The following LDB2 variants were observed in gnomAD, a reference collection of about 807,000 sequenced individuals.
The protein encoded by LDB2 is LIM domain binding 2.
A neutral mutation model predicts 44.3 loss-of-function variants in LDB2; 12 were observed. That is an observed-to-expected ratio of 0.27 (90% CI 0.17 to 0.44). The LOEUF (loss-of-function observed/expected upper bound fraction) is 0.44, where lower values mean the gene tolerates loss of function less well. Ranked by LOEUF, LDB2 falls within the 20% of genes least tolerant of loss-of-function variation. The pLI is 1.00. For synonymous variants in LDB2, 164 were observed against 174.8 expected (o/e 0.94, Z 0.49); for missense variants, 344 against 473.5 (o/e 0.73, Z 2.54).
intron 2 of LDB2, among the ~76,000 whole-genome samples, chr4:16,636,865 T>C (rs965442631): frequency 2.6e-5 from 4 of 152,154 alleles, no homozygotes; most frequent in African/African-American, 7.2e-5. Flanking sequence ...TGAGAAGCCA[T>C]TGAGAAGGAA....
intron 2 of LDB2, among the ~76,000 whole-genome samples, chr4:16,757,353 G>T (rs1561121879): frequency 6.6e-6 from 1 of 152,092 alleles, no homozygotes; most frequent in Non-Finnish European, 1.5e-5. Context: ...GAAATATTTT[G>T]GCTCGGAGAA....
chr4:16,543,395 T>G (rs1247735575), intron 5 of LDB2, among the ~76,000 whole-genome samples: 1 of 152,232 alleles, frequency 6.6e-6, no homozygotes, highest in East Asian at 1.9e-4. Context: ...ACCAACAGTG[T>G]AAAAGTGTTC....
intron 2 of LDB2, among the ~76,000 whole-genome samples, chr4:16,750,014 T>C (rs910385918): frequency 1.3e-5 from 2 of 152,220 alleles, no homozygotes; most frequent in Non-Finnish European, 2.9e-5. Flanking sequence ...TCTATTTTTG[T>C]CATAAAAATT....
At chr4:16,734,637 T>C (rs1398804386) in intron 2 of LDB2, among the ~76,000 whole-genome samples, 1 of 151,712 alleles carries the variant, frequency 6.6e-6, no homozygotes, top group East Asian at 1.9e-4. Flanking sequence ...GCCGAGGCCC[T>C]GTCTTGCCCA....
intron 1 of LDB2, among the ~76,000 whole-genome samples, chr4:16,819,746 C>T (rs1304650406): frequency 6.6e-6 from 1 of 152,088 alleles, no homozygotes; most frequent in Non-Finnish European, 1.5e-5. Context: ...ATTAAAGCAG[C>T]GATCTAGGGA....
chr4:16,741,913 G>A (rs576786480), intron 2 of LDB2, among the ~76,000 whole-genome samples: 4 of 152,218 alleles, frequency 2.6e-5, no homozygotes, highest in African/African-American at 7.2e-5. Context: ...AACCTTATGA[G>A]GTCAGGGGCT....
intron 6 of LDB2, among the ~76,000 whole-genome samples, chr4:16,511,124 A>G (rs879443871): frequency 1.3e-5 from 2 of 152,208 alleles, no homozygotes; most frequent in Non-Finnish European, 2.9e-5. Flanking sequence ...TATTCATTTT[A>G]CATAAAACCC....
At chr4:16,784,531 A>G (rs1773969057) in intron 1 of LDB2, among the ~76,000 whole-genome samples, 1 of 152,150 alleles carries the variant, frequency 6.6e-6, no homozygotes, top group Non-Finnish European at 1.5e-5. Context: ...TCCCCTCCAT[A>G]AAGAGCAATG....
intron 1 of LDB2, among the ~76,000 whole-genome samples, chr4:16,768,767 T>A (rs1337421224): frequency 6.6e-6 from 1 of 152,208 alleles, no homozygotes; most frequent in Non-Finnish European, 1.5e-5. Context: ...TACAAGGCAC[T>A]TATTGTATGC....
intron 5 of LDB2, among the ~76,000 whole-genome samples, chr4:16,555,251 T>C (rs1222526029): frequency 1.3e-5 from 2 of 152,182 alleles, no homozygotes; most frequent in Non-Finnish European, 2.9e-5. Flanking sequence ...TGATATTCAG[T>C]AGAGTTAAGA....
At chr4:16,524,454 G>T (rs1267442841) in intron 5 of LDB2, among the ~76,000 whole-genome samples, 1 of 152,120 alleles carries the variant, frequency 6.6e-6, no homozygotes, top group East Asian at 1.9e-4. Context: ...GGTAGGGAGG[G>T]TATCTCAGGC....
At chr4:16,768,193 G>GTT (rs547288290) in intron 1 of LDB2, among the ~76,000 whole-genome samples, 11 of 148,838 alleles carry the variant, frequency 7.4e-5, no homozygotes, top group Non-Finnish European at 1.6e-4. Context: ...TTGAAAATGT[G>GTT]TTTTTTTTTT....
chr4:16,759,494 C>A (rs1431814858), intron 1 of LDB2: 4 of 462,938 alleles, frequency 8.6e-6, no homozygotes, highest in African/African-American at 5.9e-5. Context: ...AAAATTAATT[C>A]TCCAGGATAT....
chr4:16,514,862 C>G (rs971647063), intron 5 of LDB2, among the ~76,000 whole-genome samples: 1 of 152,188 alleles, frequency 6.6e-6, no homozygotes, highest in African/African-American at 2.4e-5. Flanking sequence ...ATAGAGTTAA[C>G]TCCATATTCC....
At chr4:16,568,343 G>T (rs1010784982) in intron 5 of LDB2, among the ~76,000 whole-genome samples, 1 of 152,090 alleles carries the variant, frequency 6.6e-6, no homozygotes, top group East Asian at 1.9e-4. Context: ...GGAGTACAAA[G>T]GATTTATTTG....
At chr4:16,562,327 A>G (rs1423505069) in intron 5 of LDB2, among the ~76,000 whole-genome samples, 1 of 152,226 alleles carries the variant, frequency 6.6e-6, no homozygotes, top group African/African-American at 2.4e-5. Context: ...TCATCTGACA[A>G]AGGGCTAATA....
chr4:16,535,907 A>ATAAT (rs1230294108), intron 5 of LDB2, among the ~76,000 whole-genome samples: 1 of 152,300 alleles, frequency 6.6e-6, no homozygotes, highest in African/African-American at 2.4e-5. Context: ...TGTAAAAGGA[A>ATAAT]TAATAAAAAA....
chr4:16,897,375 C>CT (rs1725327670), intron 1 of LDB2, among the ~76,000 whole-genome samples: 1 of 152,134 alleles, frequency 6.6e-6, no homozygotes, highest in Non-Finnish European at 1.5e-5. Flanking sequence ...TAACAAACTC[C>CT]TTTTCCGAAC....
intron 1 of LDB2, among the ~76,000 whole-genome samples, chr4:16,765,674 C>T (rs142401089): frequency 3.4e-3 from 511 of 152,252 alleles, no homozygotes; most frequent in African/African-American, 0.012. Flanking sequence ...ACCCACACGG[C>T]GAGTAAGATT....
Sources: gnomAD v4.1 joint callset for allele counts (sites outside exome capture counted in the v4.1 genomes callset) on GRCh38, gnomAD v4.1.1 for gene constraint, MANE v1.5 for transcripts, NCBI Gene and HGNC (gene_info 2026-07-23, HGNC 2026-07-21) for gene names.